GLIS3: variants seen among roughly 807,000 people sequenced by gnomAD.
The protein encoded by GLIS3 is zinc finger protein GLIS3.
Under a neutral mutation model 78.6 loss-of-function variants are expected in GLIS3, and 53 were observed. The ratio of observed to expected loss-of-function variants is 0.67; its 90% CI spans 0.54 to 0.85. The LOEUF (loss-of-function observed/expected upper bound fraction) is 0.85. Ranked by LOEUF, GLIS3 falls within the 40% of genes least tolerant of loss-of-function variation. The pLI is 0.00. For missense variants in GLIS3, 1,703 were observed against 1,231.1 expected, an observed-to-expected ratio of 1.38 and a Z score of -5.74; for synonymous variants, 684 against 509.9, an observed-to-expected ratio of 1.34 and a Z score of -4.60.
intron 4 of GLIS3, among the ~76,000 whole-genome samples, chr9:4,306,551 T>C (rs1298151085): frequency 6.6e-6 from 1 of 152,214 alleles, no homozygotes; most frequent in Non-Finnish European, 1.5e-5. Flanking sequence ...CAGCACCTAA[T>C]AGGAAATACA....
At chr9:4,402,791 T>TA in the GLIS3 span, among the ~76,000 whole-genome samples, 1 of 151,622 alleles carries the variant, frequency 6.6e-6, no homozygotes, top group African/African-American at 2.4e-5. Context: ...GAAAGAAAGA[T>TA]AAAAAAACAA....
intron 6 of GLIS3, among the ~76,000 whole-genome samples, chr9:3,926,893 G>C (rs1825294611): frequency 6.6e-6 from 1 of 152,188 alleles, no homozygotes; most frequent in African/African-American, 2.4e-5. Context: ...CCAAAGTGCT[G>C]GGATTACAGG....
At chr9:4,384,652 C>T in the GLIS3 span, among the ~76,000 whole-genome samples, 1 of 151,762 alleles carries the variant, frequency 6.6e-6, no homozygotes, top group Non-Finnish European at 1.5e-5. Flanking sequence ...CTGCCTTATC[C>T]CTAACCTAAA....
chr9:4,033,317 C>T (rs12378136), intron 4 of GLIS3, among the ~76,000 whole-genome samples: 13,597 of 152,166 alleles, frequency 0.089, 675 homozygotes, highest in Non-Finnish European at 0.11. Flanking sequence ...TTGGTCACCC[C>T]TTAAGGCTGC....
chr9:4,414,561 C>T, the GLIS3 span, among the ~76,000 whole-genome samples: 6 of 152,240 alleles, frequency 3.9e-5, no homozygotes, highest in East Asian at 1.9e-4. Context: ...TAGCTTTTAT[C>T]CTGCCTGCTT....
At chr9:4,288,691 A>C (rs893528218) in intron 1 of GLIS3, among the ~76,000 whole-genome samples, 2 of 151,820 alleles carry the variant, frequency 1.3e-5, no homozygotes, top group Non-Finnish European at 2.9e-5. Context: ...ATTTTATTTT[A>C]TTTTTTTTAT....
chr9:3,847,216 A>T (rs1392986299), intron 9 of GLIS3, among the ~76,000 whole-genome samples: 6 of 40,426 alleles, frequency 1.5e-4, no homozygotes. Context: ...TACATAAATA[A>T]AAAAAAATAA....
intron 1 of GLIS3, among the ~76,000 whole-genome samples, chr9:4,299,081 C>G (rs1563920336): frequency 1.3e-5 from 2 of 152,158 alleles, no homozygotes; most frequent in Non-Finnish European, 2.9e-5. Context: ...TCTGCCCGCT[C>G]TACTTGAAAT....
rs183099415 is a variant in GLIS3, at chr9:3,855,388, T to C, written c.2473+621A>G. On this transcript the variant is annotated intron_variant, in intron 9 of 10. Transcript: ENST00000381971. Reference sequence around the variant, plus strand: ...GAGCTGTGTTAAGTTCCCTAAAAGATATAATTTTCTGATGGGTCAGAAAAT... The same window carrying C: ...GAGCTGTGTTAAGTTCCCTAAAAGACATAATTTTCTGATGGGTCAGAAAAT... 232 of 156,028 alleles carry C rather than the reference T, an allele frequency of 1.5e-3. 1 individual carries two copies. The highest frequency in any genetic ancestry group is 5.3e-3 in the African/African-American group (222 of 41,574). 9.7% of individuals were successfully genotyped at this position (156,028 alleles called of 1,614,324 possible). A position where few individuals can be genotyped will look rare whatever the true frequency, so the allele number is the denominator to read the frequency against.
intron 2 of GLIS3, among the ~76,000 whole-genome samples, chr9:4,224,472 C>T (rs768971401): frequency 6.6e-6 from 1 of 152,200 alleles, no homozygotes; most frequent in Non-Finnish European, 1.5e-5. Flanking sequence ...GGGAAAATCA[C>T]TATCTTGTGT....
the GLIS3 span, among the ~76,000 whole-genome samples, chr9:4,406,084 C>T: frequency 2.9e-4 from 44 of 152,236 alleles, no homozygotes; most frequent in African/African-American, 1.0e-3. Flanking sequence ...TAAAAGACTA[C>T]ATAACAAAAG....
At position 4,291,913 on chromosome 9, in the gene GLIS3, T is replaced by G. The variant is rs148450794; in HGVS notation, c.-98-5390A>C. 1.6e-3 allele frequency among the ~76,000 whole-genome samples: 237 copies of G among 152,312 alleles called. 1 individual carries two copies. Among genetic ancestry groups the G allele is most frequent in the African/African-American group, 5.5e-3 (227 of 41,592 alleles). ...TAGTAATTATTAGAAGTGTTTCATT[T>G]ACTTTGCCCCAGTCATTAACTCATC... On this transcript the variant is annotated intron_variant, in intron 1 of 10. Coordinates refer to ENST00000381971, the MANE Select transcript of GLIS3 (RefSeq NM_001042413.2).
chr9:4,005,956 T>C (rs1320793279), intron 4 of GLIS3, among the ~76,000 whole-genome samples: 2 of 152,182 alleles, frequency 1.3e-5, no homozygotes, highest in Non-Finnish European at 2.9e-5. Flanking sequence ...TCTGAAGTGG[T>C]TCAGCATAGA....
chr9:4,366,645 T>C, the GLIS3 span, among the ~76,000 whole-genome samples: 9 of 152,220 alleles, frequency 5.9e-5, no homozygotes, highest in Non-Finnish European at 1.3e-4. Context: ...TGAGCATAAA[T>C]GCTCAAGTGA....
chr9:3,857,439 T>G (rs751521273), intron 8 of GLIS3, among the ~76,000 whole-genome samples: 13 of 152,240 alleles, frequency 8.5e-5, no homozygotes, highest in Non-Finnish European at 8.8e-5. Flanking sequence ...GAATATTTAA[T>G]AAGGCAGAGT....
chr9:4,284,708 G>A (rs1827836327), intron 2 of GLIS3, among the ~76,000 whole-genome samples: 2 of 151,416 alleles, frequency 1.3e-5, no homozygotes, highest in South Asian at 2.1e-4. Flanking sequence ...CTCAGGAGTT[G>A]GAGACCAGCC....
intron 2 of GLIS3, among the ~76,000 whole-genome samples, chr9:4,284,243 G>T (rs117346546): frequency 6.6e-6 from 1 of 152,254 alleles, no homozygotes; most frequent in East Asian, 1.9e-4. Flanking sequence ...CTACGTATTG[G>T]AAAGCACTTA....
intron 4 of GLIS3, among the ~76,000 whole-genome samples, chr9:4,029,881 T>C (rs548797085): frequency 6.6e-6 from 1 of 152,352 alleles, no homozygotes; most frequent in African/African-American, 2.4e-5. Context: ...TCTTAGCTAC[T>C]GTAAACAGTG....
intron 4 of GLIS3, among the ~76,000 whole-genome samples, chr9:4,033,384 G>A (rs1158949507): frequency 6.6e-6 from 1 of 152,132 alleles, no homozygotes; most frequent in Non-Finnish European, 1.5e-5. Context: ...GACCCCAGAA[G>A]AAGGCTCCAG....
Sources: gnomAD v4.1 joint callset for allele counts (sites outside exome capture counted in the v4.1 genomes callset) on GRCh38, gnomAD v4.1.1 for gene constraint, MANE v1.5 for transcripts, NCBI Gene and HGNC (gene_info 2026-07-23, HGNC 2026-07-21) for gene names.